Variants in NR3C2 observed in about 807,000 individuals in gnomAD.
NR3C2 encodes mineralocorticoid receptor.
A neutral mutation model predicts 86.4 loss-of-function variants in NR3C2; 15 were observed. The observed-to-expected ratio is 0.17, with a 90% CI of 0.12 to 0.27. The LOEUF (loss-of-function observed/expected upper bound fraction) is 0.27. Ranked by LOEUF, NR3C2 falls within the 10% of genes least tolerant of loss-of-function variation. NR3C2 has a pLI of 1.00. For missense variants in NR3C2, 960 were observed against 1,195.6 expected, an observed-to-expected ratio of 0.80 and a Z score of 2.91; for synonymous variants, 458 against 450.5, an observed-to-expected ratio of 1.02 and a Z score of -0.21.
intron 2 of NR3C2, among the ~76,000 whole-genome samples, chr4:148,386,992 C>G (rs991405424): frequency 1.3e-5 from 2 of 152,120 alleles, no homozygotes; most frequent in African/African-American, 4.8e-5. Context: ...GTGACTTAAC[C>G]CAGTTTTGTG....
intron 4 of NR3C2, among the ~76,000 whole-genome samples, chr4:148,170,649 C>T (rs1164564786): frequency 2.0e-5 from 3 of 152,226 alleles, no homozygotes; most frequent in African/African-American, 4.8e-5. Flanking sequence ...TTCCTACCCC[C>T]ATGCTTTATA....
chr4:148,355,909 G>A (rs1745530115), intron 2 of NR3C2, among the ~76,000 whole-genome samples: 1 of 152,134 alleles, frequency 6.6e-6, no homozygotes, highest in Admixed American at 6.6e-5. Context: ...ACCTTTCTGG[G>A]CCTGTCATTT....
intron 3 of NR3C2, among the ~76,000 whole-genome samples, chr4:148,256,702 G>A (rs1470711183): frequency 6.6e-6 from 1 of 152,036 alleles, no homozygotes; most frequent in African/African-American, 2.4e-5. Context: ...AAGACAGGAA[G>A]GTTCTGAAAA....
chr4:148,384,694 G>A (rs1272514199), intron 2 of NR3C2, among the ~76,000 whole-genome samples: 2 of 152,110 alleles, frequency 1.3e-5, no homozygotes, highest in Non-Finnish European at 2.9e-5. Flanking sequence ...TAGCCAGAAT[G>A]TTCTATTAAC....
intron 6 of NR3C2, among the ~76,000 whole-genome samples, chr4:148,148,468 A>G (rs1485516391): frequency 1.3e-5 from 2 of 152,152 alleles, no homozygotes; most frequent in Admixed American, 6.5e-5. Context: ...GAACACTTCA[A>G]TGGCTTTTCC....
chr4:148,376,674 T>C (rs2126418492), intron 2 of NR3C2, among the ~76,000 whole-genome samples: 1 of 152,330 alleles, frequency 6.6e-6, no homozygotes, highest in African/African-American at 2.4e-5. Flanking sequence ...GTACAGGTAG[T>C]TCTGCCGTCC....
intron 8 of NR3C2, among the ~76,000 whole-genome samples, chr4:148,086,169 C>A (rs1378630743): frequency 6.6e-6 from 1 of 152,152 alleles, no homozygotes; most frequent in African/African-American, 2.4e-5. Flanking sequence ...TGCAGAGACA[C>A]AACAAAAAAT....
intron 2 of NR3C2, among the ~76,000 whole-genome samples, chr4:148,317,878 CT>C (rs146579891): frequency 2.7e-5 from 4 of 149,608 alleles, no homozygotes; most frequent in Admixed American, 6.7e-5. Flanking sequence ...TTTTCTTTTT[CT>C]TTTTTTTTAT....
chr4:148,335,452 G>A (rs973892341), intron 2 of NR3C2, among the ~76,000 whole-genome samples: 1 of 152,126 alleles, frequency 6.6e-6, no homozygotes, highest in Admixed American at 6.5e-5. Flanking sequence ...TCCCAAGCAG[G>A]TAAAACTACA....
At chr4:148,227,614 C>T (rs1329347762) in intron 3 of NR3C2, among the ~76,000 whole-genome samples, 1 of 151,884 alleles carries the variant, frequency 6.6e-6, no homozygotes, top group Non-Finnish European at 1.5e-5. Context: ...TTCTATTTTC[C>T]TCATTTCTTC....
chr4:148,373,385 T>G (rs1457715102), intron 2 of NR3C2, among the ~76,000 whole-genome samples: 1 of 152,182 alleles, frequency 6.6e-6, no homozygotes, highest in Non-Finnish European at 1.5e-5. Context: ...CCTTACATTC[T>G]TGTTATCCAG....
At chr4:148,318,584 G>A (rs940579565) in intron 2 of NR3C2, among the ~76,000 whole-genome samples, 8 of 152,010 alleles carry the variant, frequency 5.3e-5, no homozygotes, top group Non-Finnish European at 4.4e-5. Context: ...GGTGTGAGAT[G>A]ATATCTCATT....
At chr4:148,129,899 A>G (rs922964182) in intron 6 of NR3C2, among the ~76,000 whole-genome samples, 3 of 152,152 alleles carry the variant, frequency 2.0e-5, no homozygotes, top group Non-Finnish European at 4.4e-5. Context: ...CACCCAGCCT[A>G]TACTTTGAGA....
Position 148,259,826 on chromosome 4 carries a change from G to T in NR3C2, c.1897+152C>A, listed in dbSNP as rs186902989. ...TTGCTTTGTGGAAAATCTCCAGGTG[G>T]TTTTTATACAAGGCACTATTACTGT... On this transcript the variant is annotated intron_variant, in intron 3 of 8. Transcript: ENST00000358102. 288 of 956,714 alleles carry T rather than the reference G, an allele frequency of 3.0e-4. 1 individual carries two copies. The East Asian group carries it at 6.1e-3, about 20-fold the overall frequency. 59.3% of individuals were successfully genotyped at this position (956,714 alleles called of 1,614,324 possible). A position where few individuals can be genotyped will look rare whatever the true frequency, so the allele number is the denominator to read the frequency against.
intron 7 of NR3C2, among the ~76,000 whole-genome samples, chr4:148,115,048 GAAC>G (rs1478485504): frequency 1.3e-5 from 2 of 152,168 alleles, no homozygotes; most frequent in East Asian, 1.9e-4. Flanking sequence ...TGTGAGGGGG[GAAC>G]AACAACAGTG....
chr4:148,093,623 T>C (rs1221147777), intron 8 of NR3C2, among the ~76,000 whole-genome samples: 3 of 152,232 alleles, frequency 2.0e-5, no homozygotes, highest in Admixed American at 6.5e-5. Flanking sequence ...GGGCAAAAGA[T>C]ACATCAACTC....
At chr4:148,218,171 G>C (rs1737642714) in intron 3 of NR3C2, among the ~76,000 whole-genome samples, 1 of 152,150 alleles carries the variant, frequency 6.6e-6, no homozygotes, top group Non-Finnish European at 1.5e-5. Context: ...ATAAGTCTAA[G>C]TACGAAAACA....
intron 7 of NR3C2, among the ~76,000 whole-genome samples, chr4:148,116,195 G>A (rs907305355): frequency 3.9e-5 from 6 of 152,054 alleles, no homozygotes; most frequent in African/African-American, 1.4e-4. Context: ...AATACCATTT[G>A]GTACATCTAA....
chr4:148,317,281 G>C (rs1236942647), intron 2 of NR3C2, among the ~76,000 whole-genome samples: 1 of 151,688 alleles, frequency 6.6e-6, no homozygotes, highest in Non-Finnish European at 1.5e-5. Context: ...CTTTAACCCG[G>C]GAGGTGGAGG....
Sources: allele counts gnomAD v4.1 joint callset (sites outside exome capture counted in the v4.1 genomes callset), GRCh38; gene constraint gnomAD v4.1.1; transcripts MANE v1.5; gene names NCBI Gene and HGNC (gene_info 2026-07-23, HGNC 2026-07-21).